Variants in GPRC5A observed in about 807,000 individuals in gnomAD.
The protein encoded by GPRC5A is G protein-coupled receptor class C group 5 member A.
Under a neutral mutation model 22.5 loss-of-function variants are expected in GPRC5A, and 19 were observed. The observed-to-expected ratio is 0.85, with a 90% CI of 0.59 to 1.24. The LOEUF is 1.24. Ranked by LOEUF, GPRC5A falls within the 50% of genes most tolerant of loss-of-function variation. GPRC5A has a pLI of 0.00. For synonymous variants in GPRC5A, 192 were observed against 184.5 expected, an observed-to-expected ratio of 1.04 and a Z score of -0.33; for missense variants, 471 against 451.1, an observed-to-expected ratio of 1.04 and a Z score of -0.40.
chr12:12,903,018 T>A (rs1385320546), intron 1 of GPRC5A, among the ~76,000 whole-genome samples: 4 of 151,978 alleles, frequency 2.6e-5, no homozygotes, highest in African/African-American at 4.8e-5. Context: ...CGGGCGCCGA[T>A]ATCGCGCCAT....
chr12:12,909,075 G>C lies in GPRC5A; in HGVS notation c.826G>C (p.Asp276His). 1 of 1,606,944 alleles carries C rather than the reference G, an allele frequency of 6.2e-7. No homozygotes were observed. The highest frequency in any genetic ancestry group is 8.5e-7 in the Non-Finnish European group (1 of 1,179,914). Residue 276 changes from aspartate to histidine, a missense_variant, in exon 2 of 4, where the codon GAT becomes CAT. By Grantham distance (81) the Asp-to-His change is moderately conservative (BLOSUM62 -1). Coordinates refer to ENST00000014914, the MANE Select transcript of GPRC5A (RefSeq NM_003979.4). ...GCTCACAAAGCAACGAAACCCCATG[G>C]ATTATCCTGTTGAGGATGCTTTCTG... is the stretch of plus-strand genomic sequence containing the variant. ...WLLTKQRNPM[D>H]YPVEDAFCKP... is the part of the protein sequence containing the mutation.
chr12:12,899,672 A>G (rs1175293217), intron 1 of GPRC5A, among the ~76,000 whole-genome samples: 1 of 152,234 alleles, frequency 6.6e-6, no homozygotes, highest in Admixed American at 6.5e-5. Flanking sequence ...GACTCATAAT[A>G]GGACTCAGGA....
At chr12:12,906,618 A>G (rs763549716) in intron 1 of GPRC5A, among the ~76,000 whole-genome samples, 7 of 152,202 alleles carry the variant, frequency 4.6e-5, no homozygotes, top group African/African-American at 1.7e-4. Flanking sequence ...CATGTTAGCT[A>G]TGAAGATTAT....
chr12:12,906,025 A>G (rs1293762639), intron 1 of GPRC5A, among the ~76,000 whole-genome samples: 1 of 152,058 alleles, frequency 6.6e-6, no homozygotes, highest in Admixed American at 6.6e-5. Context: ...AGGAGGAGAG[A>G]GAGAAGGATA....
At chr12:12,898,723 G>T (rs1358002700) in intron 1 of GPRC5A, among the ~76,000 whole-genome samples, 1 of 152,150 alleles carries the variant, frequency 6.6e-6, no homozygotes, top group African/African-American at 2.4e-5. Flanking sequence ...TGACAGTGGT[G>T]CCACTCAGTT....
intron 2 of GPRC5A, 67 bp from the exon 3 acceptor site, chr12:12,912,017 G>A: frequency 1.1e-6 from 1 of 927,706 alleles, no homozygotes; most frequent in Non-Finnish European, 1.8e-6. Context: ...ACTGTGATAA[G>A]TGATACAATG....
In GPRC5A at chr12:12,915,603, C is replaced by G. The variant is rs1304977464; in HGVS notation, c.*3064C>G. 1 of 189,804 alleles carries G rather than the reference C, an allele frequency of 5.3e-6. No homozygotes were observed. The highest frequency in any genetic ancestry group is 6.1e-5 in the Admixed American group (1 of 16,526). 11.8% of individuals were successfully genotyped at this position (189,804 alleles called of 1,614,324 possible). On this transcript the variant is annotated 3_prime_UTR_variant, in exon 4 of 4. Coordinates refer to ENST00000014914, the MANE Select transcript of GPRC5A (RefSeq NM_003979.4). ...TGGCATCATCTCTGGACTGTTGTTT[C>G]TCCTTCTTCCTTCTCCTCCTTCTCC...
chr12:12,899,224 C>T (rs879755021), intron 1 of GPRC5A, among the ~76,000 whole-genome samples: 19 of 152,100 alleles, frequency 1.2e-4, no homozygotes, highest in Admixed American at 1.0e-3. Context: ...TTTTGTACAG[C>T]GGGGGTCTCA....
chr12:12,908,624 G>A lies in GPRC5A; in HGVS notation c.375G>A (p.Gly125=). ...HAVSLTKLVR[G]RKPLSLLVIL... Reference sequence around the variant, plus strand: ...TCAGTCTGACCAAGCTCGTCCGGGGGAGGAAGCCCCTTTCCCTGTTGGTGA... The same window carrying A: ...TCAGTCTGACCAAGCTCGTCCGGGGAAGGAAGCCCCTTTCCCTGTTGGTGA... Residue 125 remains glycine (G), a synonymous_variant, in exon 2 of 4, where the codon GGG becomes GGA. Transcript: ENST00000014914. 1 of 1,614,052 alleles carries A rather than the reference G, an allele frequency of 6.2e-7. No homozygotes were observed. Among genetic ancestry groups the A allele is most frequent in the Non-Finnish European group, 8.5e-7 (1 of 1,179,956 alleles).
intron 1 of GPRC5A, among the ~76,000 whole-genome samples, chr12:12,900,838 T>C (rs1863875898): frequency 7.8e-6 from 1 of 128,162 alleles, no homozygotes; most frequent in East Asian, 2.3e-4. Flanking sequence ...TGCAGTGAGC[T>C]GAGATCATGC....
At chr12:12,902,687 C>T (rs1270255804) in intron 1 of GPRC5A, among the ~76,000 whole-genome samples, 2 of 152,050 alleles carry the variant, frequency 1.3e-5, no homozygotes, top group African/African-American at 4.8e-5. Flanking sequence ...GGGAAGATAC[C>T]TTGAGCCCAG....
At chr12:12,910,790 C>G (rs890371564) in intron 2 of GPRC5A, among the ~76,000 whole-genome samples, 2 of 151,934 alleles carry the variant, frequency 1.3e-5, no homozygotes, top group Non-Finnish European at 2.9e-5. Context: ...ATTTATGTAC[C>G]TGTCATATGT....
At chr12:12,900,160 C>T (rs543837043) in intron 1 of GPRC5A, among the ~76,000 whole-genome samples, 1 of 152,350 alleles carries the variant, frequency 6.6e-6, no homozygotes, top group East Asian at 1.9e-4. Flanking sequence ...TTCAGGTGGG[C>T]AGTCCCTTGC....
intron 1 of GPRC5A, among the ~76,000 whole-genome samples, chr12:12,903,933 A>G: frequency 6.6e-6 from 1 of 152,220 alleles, no homozygotes; most frequent in Non-Finnish European, 1.5e-5. Flanking sequence ...CCTGTCCCTC[A>G]TAACAATCAG....
chr12:12,917,212 C>CTGTGTGTG lies in GPRC5A; in HGVS notation c.*4706_*4713dup, dbSNP rs59601728. On this transcript the variant is annotated 3_prime_UTR_variant, in exon 4 of 4. Coordinates refer to ENST00000014914, the MANE Select transcript of GPRC5A (RefSeq NM_003979.4). ...GGATGTTCCAAGGATGCTGCTGGAT[C>CTGTGTGTG]TGTGTGTGTGTGTGTGTGTGTGTGT... The CTGTGTGTG allele has an allele frequency of 0.023, 3,182 of 139,032 alleles. 48 individuals are homozygous for CTGTGTGTG. Among genetic ancestry groups the CTGTGTGTG allele is most frequent in the Non-Finnish European group, 0.029 (1,902 of 65,642 alleles). The allele number at this position is 139,032 out of a possible 1,614,324, so 8.6% of individuals were successfully genotyped here. A position where few individuals can be genotyped will look rare whatever the true frequency, so the allele number is the denominator to read the frequency against.
In GPRC5A at chr12:12,917,390, C is replaced by T. The variant is rs1342637256; in HGVS notation, c.*4851C>T. 1 of 152,036 alleles carries T rather than the reference C, an allele frequency of 6.6e-6. No individual in the cohort carries two copies. The highest frequency in any genetic ancestry group is 1.5e-5 in the Non-Finnish European group (1 of 68,022). 9.4% of individuals were successfully genotyped at this position (152,036 alleles called of 1,614,324 possible). ...ACAGAAATCCTCTAGTTGGTGCCTC[C>T]ACAGTCTTCATTTTACAGAGGAACT... On this transcript the variant is annotated 3_prime_UTR_variant, in exon 4 of 4. Transcript: ENST00000014914.
chr12:12,893,434 A>T (rs1433140606), intron 1 of GPRC5A, among the ~76,000 whole-genome samples: 2 of 152,262 alleles, frequency 1.3e-5, no homozygotes, highest in East Asian at 3.8e-4. Flanking sequence ...ATGGTGGTAT[A>T]GTAAACAATA....
At chr12:12,912,025 A>G (rs1404832778) in intron 2 of GPRC5A, 59 bp from the exon 3 acceptor site, 3 of 980,356 alleles carry the variant, frequency 3.1e-6, no homozygotes, top group East Asian at 4.7e-5. Context: ...AAGTGATACA[A>G]TGGGGTGAAC....
Position 12,917,255 on chromosome 12 carries a change from T to TGTGTGC in GPRC5A, c.*4717_*4718insTGTGCG, listed in dbSNP as rs1461798795. The TGTGTGC allele has an allele frequency of 2.2e-5, 1 of 44,518 alleles. No individual in the cohort carries two copies. Among genetic ancestry groups the TGTGTGC allele is most frequent in the Non-Finnish European group, 4.2e-5 (1 of 23,958 alleles). 2.8% of individuals were successfully genotyped at this position (44,518 alleles called of 1,614,324 possible). A position where few individuals can be genotyped will look rare whatever the true frequency, so the allele number is the denominator to read the frequency against. On this transcript the variant is annotated 3_prime_UTR_variant, in exon 4 of 4. Coordinates refer to ENST00000014914, the MANE Select transcript of GPRC5A (RefSeq NM_003979.4). ...GTGTGTGTGTGTGTGTGTGTGTGCG[T>TGTGTGC]GCGTGCGTGTATGTGCGCCTGACCC...
Sources: allele counts gnomAD v4.1 joint callset (sites outside exome capture counted in the v4.1 genomes callset), GRCh38; gene constraint gnomAD v4.1.1; transcripts MANE v1.5; gene names NCBI Gene and HGNC (gene_info 2026-07-23, HGNC 2026-07-21).